The following WDFY1 variants were observed in gnomAD, a reference collection of about 807,000 sequenced individuals.
WDFY1 encodes the protein WD repeat and FYVE domain-containing protein 1.
WDFY1 carries 32 observed loss-of-function variants against 56.4 expected under a neutral mutation model. The observed-to-expected ratio is 0.57, with a 90% CI of 0.43 to 0.76. WDFY1 has a LOEUF of 0.76. Among genes scored for constraint, WDFY1 ranks in the 30% least tolerant of loss-of-function variants. The pLI, the probability that WDFY1 is intolerant of heterozygous loss-of-function variation, is 0.00. For missense variants in WDFY1, 480 were observed against 545.7 expected (o/e 0.88, Z 1.20); for synonymous variants, 192 against 197.3 (o/e 0.97, Z 0.23).
chr2:223,896,155 CAAAAAAAAAAAAAAAAA>C (rs71058956), intron 6 of WDFY1, among the ~76,000 whole-genome samples: 1 of 39,828 alleles, frequency 2.5e-5, no homozygotes, highest in African/African-American at 1.1e-4. Context: ...GACTCTGTCT[CAAAAAAAAAAAAAAAAA>C]AAAAAAAAAA....
Position 223,878,695 on chromosome 2 carries a change from C to A in WDFY1, c.1209G>T (p.Leu403=). Residue 403 remains leucine, a synonymous_variant, in exon 12 of 12, where the codon CTG becomes CTT. Coordinates refer to ENST00000233055, the MANE Select transcript of WDFY1 (RefSeq NM_020830.5). ...ATCAGTGCGGAGAAAACCCAGTCGC[C>A]AGACTGCAGCCCACCACAGGTGTCA... ...WDMTPVVGCS[L]ATGFSPH The A allele has an allele frequency of 1.2e-6, 2 of 1,614,002 alleles. No homozygotes were observed. Among genetic ancestry groups the A allele is most frequent in the Non-Finnish European group, 1.7e-6 (2 of 1,179,906 alleles).
intron 6 of WDFY1, 116 bp downstream of exon 6, chr2:223,898,842 A>G: frequency 1.3e-6 from 1 of 782,724 alleles, no homozygotes; most frequent in East Asian, 2.6e-5. Flanking sequence ...CTGGCCAATC[A>G]AAATGAAATC....
intron 1 of WDFY1, among the ~76,000 whole-genome samples, chr2:223,920,084 G>C (rs1693863906): frequency 6.6e-6 from 1 of 152,266 alleles, no homozygotes; most frequent in Non-Finnish European, 1.5e-5. Flanking sequence ...CTGGAGGAAA[G>C]CTGTGCGGCT....
At chr2:223,913,512 G>A (rs974639374) in intron 2 of WDFY1, among the ~76,000 whole-genome samples, 5 of 152,178 alleles carry the variant, frequency 3.3e-5, no homozygotes, top group African/African-American at 1.2e-4. Flanking sequence ...AGTGATGTTT[G>A]AGATTAAAAG....
At position 223,899,016 on chromosome 2, in the gene WDFY1, G is replaced by A; in HGVS notation, c.540C>T (p.Thr180=). ...AFVGDYSGQI[T]LLKLEQNTCS... is the part of the protein sequence containing the mutation. ...ACGTGTTCTGTTCAAGCTTCAGCAG[G>A]GTGATCTGCCCAGAATAATCACCAA... Residue 180 remains threonine (T), a synonymous_variant, in exon 6 of 12, where the codon ACC becomes ACT. Transcript: ENST00000233055. The A allele has an allele frequency of 6.2e-7, 1 of 1,614,128 alleles. No homozygotes were observed. The highest frequency in any genetic ancestry group is 8.5e-7 in the Non-Finnish European group (1 of 1,180,018).
chr2:223,918,064 G>C, intron 1 of WDFY1, 54 bp from the exon 2 acceptor site: 1 of 1,578,450 alleles, frequency 6.3e-7, no homozygotes, highest in Non-Finnish European at 8.6e-7. Flanking sequence ...TTTATCTTTT[G>C]TGTTCCATGA....
intron 6 of WDFY1, among the ~76,000 whole-genome samples, chr2:223,897,338 C>T (rs2106079768): frequency 7.2e-6 from 1 of 139,070 alleles, no homozygotes; most frequent in Admixed American, 7.4e-5. Flanking sequence ...ACATGTGTCC[C>T]CTCTAAATTT....
chr2:223,887,724 A>G (rs1255472348), intron 8 of WDFY1, among the ~76,000 whole-genome samples: 1 of 152,216 alleles, frequency 6.6e-6, no homozygotes, highest in African/African-American at 2.4e-5. Context: ...GCTCTCAACC[A>G]AAACAGAGGG....
At chr2:223,895,383 T>A in intron 7 of WDFY1, 121 bp downstream of exon 7, 2 of 1,442,824 alleles carry the variant, frequency 1.4e-6, no homozygotes, top group Non-Finnish European at 1.9e-6. Context: ...CTGAGCCCTA[T>A]CAATGATAAT....
chr2:223,944,682 C>T (rs1689375292), intron 1 of WDFY1, among the ~76,000 whole-genome samples: 1 of 148,220 alleles, frequency 6.7e-6, no homozygotes, highest in Admixed American at 6.7e-5. Context: ...ACGGAGCTCC[C>T]GGGATGGACG....
At chr2:223,914,052 A>G (rs1424145787) in intron 2 of WDFY1, among the ~76,000 whole-genome samples, 3 of 119,804 alleles carry the variant, frequency 2.5e-5, no homozygotes, top group Non-Finnish European at 4.8e-5. Context: ...GCTGGAGTGC[A>G]GTGGCGCAAT....
At chr2:223,942,903 C>T (rs775945476) in intron 1 of WDFY1, among the ~76,000 whole-genome samples, 49 of 151,368 alleles carry the variant, frequency 3.2e-4, no homozygotes, top group Non-Finnish European at 6.3e-4. Context: ...TTATTCTGGC[C>T]GGACACCAGT....
At chr2:223,897,355 T>C (rs1574763799) in intron 6 of WDFY1, among the ~76,000 whole-genome samples, 1 of 6,094 alleles carries the variant, frequency 1.6e-4, no homozygotes, top group East Asian at 1.8e-3. Flanking sequence ...ATTTCGCATA[T>C]ATATATATAT....
chr2:223,932,422 G>A (rs550734818), intron 1 of WDFY1, among the ~76,000 whole-genome samples: 22 of 152,128 alleles, frequency 1.4e-4, no homozygotes, highest in East Asian at 5.8e-4. Flanking sequence ...GCGCCGGGTC[G>A]ATTACCTTGA....
At chr2:223,939,688 A>G (rs78602400) in intron 1 of WDFY1, among the ~76,000 whole-genome samples, 3 of 152,200 alleles carry the variant, frequency 2.0e-5, no homozygotes, top group Non-Finnish European at 4.4e-5. Context: ...CGAGAACAGT[A>G]TGGGGGAAAC....
chr2:223,879,614 T>C (rs1693032194), intron 11 of WDFY1, among the ~76,000 whole-genome samples: 2 of 151,580 alleles, frequency 1.3e-5, no homozygotes, highest in African/African-American at 4.9e-5. Context: ...GAGTAGTGAC[T>C]GTGCCACTGC....
chr2:223,939,966 A>G (rs1689271092), intron 1 of WDFY1, among the ~76,000 whole-genome samples: 1 of 152,192 alleles, frequency 6.6e-6, no homozygotes, highest in Non-Finnish European at 1.5e-5. Flanking sequence ...TCTTCTCAAA[A>G]TGCTCTCAGC....
At chr2:223,917,003 G>A (rs1693799397) in intron 2 of WDFY1, among the ~76,000 whole-genome samples, 1 of 151,804 alleles carries the variant, frequency 6.6e-6, no homozygotes, top group African/African-American at 2.4e-5. Flanking sequence ...TAGTAGAGAT[G>A]GGGTTTCATC....
At chr2:223,878,865 A>G (rs967407051) in intron 11 of WDFY1, 135 bp from the exon 12 acceptor site, 1 of 1,143,626 alleles carries the variant, frequency 8.7e-7, no homozygotes, top group African/African-American at 1.6e-5. Context: ...CTCCTCTTTC[A>G]TAACACCTCC....
Sources: gnomAD v4.1 joint callset for allele counts (sites outside exome capture counted in the v4.1 genomes callset) on GRCh38, gnomAD v4.1.1 for gene constraint, MANE v1.5 for transcripts, NCBI Gene and HGNC (gene_info 2026-07-23, HGNC 2026-07-21) for gene names.